Variants in CPNE4 observed in about 807,000 individuals in gnomAD.
CPNE4 encodes the protein copine-4.
CPNE4 carries 25 observed loss-of-function variants against 67.9 expected under a neutral mutation model. That is an observed-to-expected ratio of 0.37 (90% CI 0.27 to 0.51). The LOEUF is 0.51. CPNE4 is among the 20% of genes least tolerant of loss of function. CPNE4 has a pLI of 0.93. For missense variants in CPNE4, 464 were observed against 690.8 expected (o/e 0.67, Z 3.68); for synonymous variants, 242 against 244.9 (o/e 0.99, Z 0.11).
At chr3:131,806,549 CA>C (rs58302207) in intron 2 of CPNE4, among the ~76,000 whole-genome samples, 15,767 of 72,970 alleles carry the variant, frequency 0.22, 414 homozygotes, top group East Asian at 0.25. Flanking sequence ...GACTCCGTCT[CA>C]AAAAAAAAAA....
chr3:131,674,680 TTTTA>T (rs2080514591), intron 6 of CPNE4, among the ~76,000 whole-genome samples: 1 of 151,978 alleles, frequency 6.6e-6, no homozygotes, highest in South Asian at 2.1e-4. Flanking sequence ...TCAGATTTAA[TTTTA>T]TTTATTTGGG....
chr3:131,844,712 T>C (rs1196629941), intron 2 of CPNE4, among the ~76,000 whole-genome samples: 1 of 152,226 alleles, frequency 6.6e-6, no homozygotes, highest in Non-Finnish European at 1.5e-5. Context: ...TATTAGCTCA[T>C]AAAATAGTCA....
At chr3:131,594,229 C>T (rs940552003) in intron 7 of CPNE4, among the ~76,000 whole-genome samples, 2 of 152,074 alleles carry the variant, frequency 1.3e-5, no homozygotes, top group South Asian at 4.1e-4. Context: ...ATTTTGTCAA[C>T]CCAGAATAGC....
At chr3:131,634,737 G>A (rs1046697824) in intron 7 of CPNE4, among the ~76,000 whole-genome samples, 3 of 152,156 alleles carry the variant, frequency 2.0e-5, no homozygotes, top group Non-Finnish European at 4.4e-5. Context: ...CAGAATTCAT[G>A]TGAGAAACTG....
At chr3:131,875,191 C>A (rs2107703295) in intron 2 of CPNE4, among the ~76,000 whole-genome samples, 1 of 152,100 alleles carries the variant, frequency 6.6e-6, no homozygotes, top group South Asian at 2.1e-4. Context: ...GCATTTGTCA[C>A]AGAAGGCACT....
At chr3:131,823,121 G>A (rs1560399928) in intron 2 of CPNE4, among the ~76,000 whole-genome samples, 1 of 152,242 alleles carries the variant, frequency 6.6e-6, no homozygotes, top group African/African-American at 2.4e-5. Context: ...TTACAGGCAT[G>A]AGCCACTGCG....
intron 7 of CPNE4, among the ~76,000 whole-genome samples, chr3:131,602,132 C>T (rs1559966485): frequency 2.0e-5 from 3 of 152,170 alleles, no homozygotes. Flanking sequence ...GCCTTTGAAG[C>T]AAGCAACTTG....
At chr3:131,780,580 A>G (rs1286368215) in intron 2 of CPNE4, among the ~76,000 whole-genome samples, 1 of 152,148 alleles carries the variant, frequency 6.6e-6, no homozygotes, top group African/African-American at 2.4e-5. Context: ...GCAGGAACAG[A>G]AAACCAAATA....
At chr3:131,655,964 C>T (rs1453322299) in intron 7 of CPNE4, among the ~76,000 whole-genome samples, 1 of 151,962 alleles carries the variant, frequency 6.6e-6, no homozygotes, top group South Asian at 2.1e-4. Context: ...CACAAGGCTA[C>T]TTTCTTTACC....
intron 7 of CPNE4, among the ~76,000 whole-genome samples, chr3:131,611,546 G>T (rs1030230465): frequency 4.6e-5 from 7 of 152,022 alleles, no homozygotes; most frequent in African/African-American, 1.7e-4. Flanking sequence ...TAAATAAGCT[G>T]GTTGCTACAC....
At chr3:131,701,128 A>C (rs1431273273) in intron 3 of CPNE4, among the ~76,000 whole-genome samples, 4 of 150,922 alleles carry the variant, frequency 2.7e-5, no homozygotes, top group African/African-American at 9.8e-5. Flanking sequence ...TAGCATTAGG[A>C]GATATACCTA....
intron 1 of CPNE4, among the ~76,000 whole-genome samples, chr3:131,947,403 T>C (rs985498175): frequency 3.9e-5 from 6 of 152,068 alleles, no homozygotes; most frequent in African/African-American, 1.4e-4. Context: ...CACCCCCCAA[T>C]AGGCCCCAGT....
chr3:131,579,486 A>C (rs1008677190), intron 9 of CPNE4, among the ~76,000 whole-genome samples: 1 of 152,222 alleles, frequency 6.6e-6, no homozygotes, highest in Non-Finnish European at 1.5e-5. Context: ...TACATTTCAT[A>C]AGGTTATAAC....
chr3:131,662,065 G>T (rs1336881000), intron 7 of CPNE4, among the ~76,000 whole-genome samples: 1 of 152,000 alleles, frequency 6.6e-6, no homozygotes, highest in Non-Finnish European at 1.5e-5. Flanking sequence ...AGAGCTAGAA[G>T]GTTTGCTAGA....
At chr3:132,013,178 A>T (rs930285972) in intron 1 of CPNE4, among the ~76,000 whole-genome samples, 2 of 152,176 alleles carry the variant, frequency 1.3e-5, no homozygotes, top group South Asian at 2.1e-4. Flanking sequence ...AACCAAGATC[A>T]CGCCATTGCA....
chr3:131,679,528 A>C (rs2080681484), intron 6 of CPNE4, among the ~76,000 whole-genome samples: 1 of 151,984 alleles, frequency 6.6e-6, no homozygotes, highest in Non-Finnish European at 1.5e-5. Context: ...TTAGGTTGTT[A>C]ACTTGAGATC....
intron 1 of CPNE4, among the ~76,000 whole-genome samples, chr3:132,033,371 A>T (rs1271300306): frequency 1.3e-5 from 2 of 150,028 alleles, no homozygotes; most frequent in Non-Finnish European, 3.0e-5. Context: ...AAGTCACTGA[A>T]ATCCTGTGAG....
chr3:131,573,068 A>C (rs1937415216), intron 10 of CPNE4, among the ~76,000 whole-genome samples: 1 of 152,182 alleles, frequency 6.6e-6, no homozygotes, highest in Admixed American at 6.6e-5. Flanking sequence ...ATTTTGGAAG[A>C]AAATGACATA....
chr3:131,970,205 A>G (rs1185814052), intron 1 of CPNE4, among the ~76,000 whole-genome samples: 1 of 152,186 alleles, frequency 6.6e-6, no homozygotes, highest in Non-Finnish European at 1.5e-5. Context: ...ACATGTTGAG[A>G]TGAAGCTTCA....
Sources: allele counts gnomAD v4.1 joint callset (sites outside exome capture counted in the v4.1 genomes callset), GRCh38; gene constraint gnomAD v4.1.1; transcripts MANE v1.5; gene names NCBI Gene and HGNC (gene_info 2026-07-23, HGNC 2026-07-21).